The following DGCR6L variants were observed in gnomAD, a reference collection of about 807,000 sequenced individuals.
The protein encoded by DGCR6L is protein DGCR6L.
DGCR6L carries 24 observed loss-of-function variants against 31.1 expected under a neutral mutation model. The ratio of observed to expected loss-of-function variants is 0.77; its 90% CI spans 0.56 to 1.08. The LOEUF (loss-of-function observed/expected upper bound fraction) is 1.08. DGCR6L is among the 50% of genes least tolerant of loss of function. DGCR6L has a pLI of 0.00. For synonymous variants in DGCR6L, 104 were observed against 126.1 expected (o/e 0.82, Z 1.17); for missense variants, 218 against 287.1 (o/e 0.76, Z 1.74).
chr22:20,314,294 A>G lies in DGCR6L; in HGVS notation c.*381T>C, dbSNP rs929524406. On this transcript the variant is annotated 3_prime_UTR_variant, in exon 5 of 5. Transcript: ENST00000248879. ...AGCCACATTTGGGCCACACTGAGGC[A>G]TCTTTATTTCTCTGGGTCACACAGA... 1.4e-4 allele frequency: 26 copies of G among 187,174 alleles called. No individual in the cohort carries two copies. Among genetic ancestry groups the G allele is most frequent in the Non-Finnish European group, 1.2e-4 (11 of 91,024 alleles). The allele number at this position is 187,174 out of a possible 1,614,324, so 11.6% of individuals were successfully genotyped here.
At chr22:20,315,968 G>T in intron 3 of DGCR6L, 151 bp downstream of exon 3, 1 of 938,252 alleles carries the variant, frequency 1.1e-6, no homozygotes, top group Non-Finnish European at 1.6e-6. Flanking sequence ...GAGCCACCTG[G>T]TGGGACTCAC....
At chr22:20,316,491 C>T (rs1378131937) in intron 2 of DGCR6L, among the ~76,000 whole-genome samples, 1 of 152,196 alleles carries the variant, frequency 6.6e-6, no homozygotes, top group African/African-American at 2.4e-5. Context: ...CAGCCCCAGA[C>T]CCAGGGCAGC....
intron 2 of DGCR6L, among the ~76,000 whole-genome samples, 178 bp downstream of exon 2, chr22:20,319,461 T>C (rs1451878256): frequency 6.6e-6 from 1 of 152,212 alleles, no homozygotes; most frequent in Non-Finnish European, 1.5e-5. Flanking sequence ...ACAAAACTGG[T>C]TGGACCCACT....
At position 20,315,387 on chromosome 22, in the gene DGCR6L, G is replaced by A. The variant is rs780889758; in HGVS notation, c.462C>T (p.Ser154=). Residue 154 remains serine (S), a synonymous_variant, in exon 4 of 5, where the codon AGC becomes AGT. Coordinates refer to ENST00000248879, the MANE Select transcript of DGCR6L (RefSeq NM_033257.4). ...CAGCCACCCCCGCCTTCTCCAGTGT[G>A]CTCTGCTGGTCAGCCACCTTCCGGT... The part of the protein sequence containing the change: ...ELDRKVADQQ[S]TLEKAGVAGF... The A allele has an allele frequency of 1.4e-5, 22 of 1,613,864 alleles. No individual in the cohort carries two copies. The African/African-American group carries it at 2.7e-4, about 20-fold the overall frequency.
intron 2 of DGCR6L, among the ~76,000 whole-genome samples, chr22:20,316,935 C>G (rs1208456821): frequency 6.6e-6 from 1 of 152,224 alleles, no homozygotes; most frequent in Non-Finnish European, 1.5e-5. Context: ...AGGGAATGTA[C>G]AGAGGAAGCG....
chr22:20,315,517 A>G, intron 3 of DGCR6L, 41 bp from the exon 4 acceptor site: 1 of 1,600,782 alleles, frequency 6.2e-7, no homozygotes, highest in Non-Finnish European at 8.5e-7. Context: ...AGGTGAGGGC[A>G]GCTCTGCCAT....
intron 3 of DGCR6L, among the ~76,000 whole-genome samples, 162 bp downstream of exon 3, chr22:20,315,957 G>A (rs1335951155): frequency 6.6e-6 from 1 of 152,204 alleles, no homozygotes; most frequent in African/African-American, 2.4e-5. Context: ...TCCGCAAAGA[G>A]GAGCCACCTG....
intron 2 of DGCR6L, among the ~76,000 whole-genome samples, chr22:20,319,219 G>T (rs2051590021): frequency 6.6e-6 from 1 of 152,190 alleles, no homozygotes; most frequent in South Asian, 2.1e-4. Context: ...ACTGGAATGA[G>T]GCCCTGCGAG....
At chr22:20,314,964 C>G in intron 4 of DGCR6L, 140 bp from the exon 5 acceptor site, 15 of 1,525,818 alleles carry the variant, frequency 9.8e-6, no homozygotes, top group Non-Finnish European at 1.3e-5. Context: ...AGGGTGGAAT[C>G]TGAGCTTCTG....
intron 4 of DGCR6L, chr22:20,315,052 G>C: frequency 1.6e-6 from 2 of 1,230,426 alleles, no homozygotes; most frequent in Admixed American, 2.0e-5. Flanking sequence ...GCCCCCAGCA[G>C]GGCCACTCGG....
At chr22:20,318,727 C>T (rs1275423868) in intron 2 of DGCR6L, 1 of 152,130 alleles carries the variant, frequency 6.6e-6, no homozygotes, top group Non-Finnish European at 1.5e-5. Flanking sequence ...CAAGGTTGAC[C>T]CCACCACCCA....
At chr22:20,316,773 T>C (rs2051574626) in intron 2 of DGCR6L, among the ~76,000 whole-genome samples, 1 of 151,938 alleles carries the variant, frequency 6.6e-6, no homozygotes, top group South Asian at 2.1e-4. Context: ...GGGAGAAGGG[T>C]GGGCAGACCT....
At chr22:20,316,807 C>T (rs2051574841) in intron 2 of DGCR6L, among the ~76,000 whole-genome samples, 1 of 152,212 alleles carries the variant, frequency 6.6e-6, no homozygotes, top group African/African-American at 2.4e-5. Flanking sequence ...TTGGGATGAG[C>T]TTGGGGTGCC....
chr22:20,319,573 T>C, intron 2 of DGCR6L, 66 bp downstream of exon 2: 1 of 1,578,806 alleles, frequency 6.3e-7, no homozygotes, highest in Non-Finnish European at 8.6e-7. Context: ...TCTGCACAGA[T>C]ACCAAGAGCT....
Position 20,316,261 on chromosome 22 carries a change from C to G in DGCR6L, c.272-42G>C, listed in dbSNP as rs769997163. The G allele has an allele frequency of 3.9e-6, 6 of 1,557,280 alleles. No individual in the cohort carries two copies. The African/African-American group carries it at 5.4e-5, about 14-fold the overall frequency. On this transcript the variant is annotated intron_variant, in intron 2 of 4. Transcript: ENST00000248879. The stretch of plus-strand genomic sequence containing the variant: ...CCCGTCAGCAGGCGGTGGGACTCGG[C>G]AGCAGCCCTCACCCATGGGCACCTG...
intron 4 of DGCR6L, 95 bp downstream of exon 4, chr22:20,315,241 C>T: frequency 1.3e-6 from 2 of 1,546,096 alleles, no homozygotes; most frequent in Non-Finnish European, 1.7e-6. Flanking sequence ...ACCCCCATAC[C>T]CTGAGCCTGG....
At chr22:20,317,616 G>A (rs891622443) in intron 2 of DGCR6L, among the ~76,000 whole-genome samples, 19 of 152,250 alleles carry the variant, frequency 1.2e-4, no homozygotes, top group African/African-American at 4.1e-4. Context: ...CTGCTATAAG[G>A]AACTATAGCT....
In DGCR6L at chr22:20,315,423, G is replaced by A; in HGVS notation, c.426C>T (p.Ile142=). The A allele has an allele frequency of 1.9e-6, 3 of 1,613,950 alleles. No individual in the cohort carries two copies. The highest frequency in any genetic ancestry group is 2.5e-6 in the Non-Finnish European group (3 of 1,180,014). Residue 142 remains isoleucine (I), a synonymous_variant, in exon 4 of 5, where the codon ATC becomes ATT. Transcript: ENST00000248879. The stretch of plus-strand genomic sequence containing the variant: ...CAGCCACCTTCCGGTCCAGCTCCAG[G>A]ATGATCTTCTGGTCCATCGCCCGCT... The part of the protein sequence containing the change: ...EEQRAMDQKI[I]LELDRKVADQ...
chr22:20,314,277 T>G lies in DGCR6L; in HGVS notation c.*398A>C, dbSNP rs3890996. 0.43 allele frequency: 71,736 copies of G among 166,128 alleles called. 16,018 individuals carry two copies. The highest frequency in any genetic ancestry group is 0.45 in the Non-Finnish European group (35,544 of 78,204). 10.3% of individuals were successfully genotyped at this position (166,128 alleles called of 1,614,324 possible). A position where few individuals can be genotyped will look rare whatever the true frequency, so the allele number is the denominator to read the frequency against. On this transcript the variant is annotated 3_prime_UTR_variant, in exon 5 of 5. Transcript: ENST00000248879. ...CCTGCAGCTATCACACAAGCCACAT[T>G]TGGGCCACACTGAGGCATCTTTATT...
Sources: allele counts gnomAD v4.1 joint callset (sites outside exome capture counted in the v4.1 genomes callset), GRCh38; gene constraint gnomAD v4.1.1; transcripts MANE v1.5; gene names NCBI Gene and HGNC (gene_info 2026-07-23, HGNC 2026-07-21).